SOX5: variants seen among roughly 807,000 people sequenced by gnomAD.
SOX5 encodes the protein transcription factor SOX-5.
SOX5 carries 9 observed loss-of-function variants against 92.0 expected under a neutral mutation model. The ratio of observed to expected loss-of-function variants is 0.10; its 90% confidence interval spans 0.06 to 0.17. The LOEUF (loss-of-function observed/expected upper bound fraction) is 0.17. Among genes scored for constraint, SOX5 ranks in the 10% least tolerant of loss-of-function variants. The pLI is 1.00. For missense variants in SOX5, 642 were observed against 944.5 expected, an observed-to-expected ratio of 0.68 and a Z score of 4.20; for synonymous variants, 344 against 336.3, an observed-to-expected ratio of 1.02 and a Z score of -0.25.
At chr12:24,453,845 G>GT (rs1233322744) in intron 1 of SOX5, among the ~76,000 whole-genome samples, 1 of 152,170 alleles carries the variant, frequency 6.6e-6, no homozygotes, top group Non-Finnish European at 1.5e-5. Context: ...GTGGCTTCAG[G>GT]TGTTGATACT....
chr12:24,504,638 T>C (rs537079454), intron 1 of SOX5, among the ~76,000 whole-genome samples: 1 of 152,334 alleles, frequency 6.6e-6, no homozygotes, highest in African/African-American at 2.4e-5. Flanking sequence ...AGTAGAGAAC[T>C]ATATAAATAA....
chr12:23,565,173 A>G (rs1333316699), intron 10 of SOX5, among the ~76,000 whole-genome samples: 1 of 152,236 alleles, frequency 6.6e-6, no homozygotes, highest in African/African-American at 2.4e-5. Context: ...TAAACCTAGA[A>G]CAGATCTTCA....
chr12:24,498,240 A>T (rs1304063847), intron 1 of SOX5, among the ~76,000 whole-genome samples: 2 of 152,180 alleles, frequency 1.3e-5, no homozygotes, highest in Admixed American at 6.5e-5. Context: ...CTCAGGACAG[A>T]TTAATAAGGT....
intron 6 of SOX5, among the ~76,000 whole-genome samples, chr12:23,673,047 C>T (rs2085051271): frequency 1.3e-5 from 2 of 152,034 alleles, no homozygotes; most frequent in Admixed American, 6.6e-5. Context: ...CAGGTATAAT[C>T]TCCATATTAA....
intron 2 of SOX5, among the ~76,000 whole-genome samples, chr12:23,872,576 T>TA (rs1395436045): frequency 3.9e-5 from 6 of 151,994 alleles, no homozygotes; most frequent in Non-Finnish European, 8.8e-5. Context: ...AGTAAAAATA[T>TA]AAAAAACTAG....
At chr12:23,628,038 C>CGAG (rs1292313149) in intron 8 of SOX5, among the ~76,000 whole-genome samples, 2 of 151,920 alleles carry the variant, frequency 1.3e-5, no homozygotes, top group Admixed American at 6.6e-5. Context: ...TGGAAGAAAA[C>CGAG]CAGCAGCAGC....
At chr12:24,561,338 T>C (rs1168720809) in intron 1 of SOX5, among the ~76,000 whole-genome samples, 1 of 152,186 alleles carries the variant, frequency 6.6e-6, no homozygotes, top group East Asian at 1.9e-4. Flanking sequence ...GAAACCAGCG[T>C]CTTCAGATAT....
At chr12:23,717,806 T>G (rs1444320957) in intron 6 of SOX5, among the ~76,000 whole-genome samples, 1 of 152,214 alleles carries the variant, frequency 6.6e-6, no homozygotes, top group Non-Finnish European at 1.5e-5. Flanking sequence ...TTTCTGCTTC[T>G]CCTTTAAGTT....
At chr12:24,008,211 T>G (rs1290524588) in intron 4 of SOX5, among the ~76,000 whole-genome samples, 1 of 152,090 alleles carries the variant, frequency 6.6e-6, no homozygotes, top group Non-Finnish European at 1.5e-5. Flanking sequence ...TTTTAAGGAT[T>G]TTCAGTGTAC....
intron 1 of SOX5, among the ~76,000 whole-genome samples, chr12:23,901,697 A>T (rs2097235367): frequency 6.6e-6 from 1 of 152,158 alleles, no homozygotes; most frequent in South Asian, 2.1e-4. Flanking sequence ...AATCTCTCCC[A>T]CTATGAGATC....
chr12:23,685,124 G>A (rs2087292968), intron 6 of SOX5, among the ~76,000 whole-genome samples: 1 of 152,096 alleles, frequency 6.6e-6, no homozygotes, highest in Admixed American at 6.6e-5. Flanking sequence ...AGTGAACTGA[G>A]TCAGTGAGTA....
intron 11 of SOX5, among the ~76,000 whole-genome samples, chr12:23,560,227 A>G (rs1945967432): frequency 6.6e-6 from 1 of 152,150 alleles, no homozygotes; most frequent in Admixed American, 6.6e-5. Flanking sequence ...ATTACTTTAG[A>G]CAGAAAAAAA....
At chr12:24,379,926 C>T (rs1441320687) in intron 1 of SOX5, among the ~76,000 whole-genome samples, 1 of 142,566 alleles carries the variant, frequency 7.0e-6, no homozygotes, top group Admixed American at 7.0e-5. Flanking sequence ...TTTTCAAATA[C>T]CACCACACTA....
chr12:23,976,390 T>TAAAAAA (rs1327142180), intron 4 of SOX5, among the ~76,000 whole-genome samples: 13 of 111,582 alleles, frequency 1.2e-4, no homozygotes, highest in African/African-American at 4.3e-4. Flanking sequence ...TGAACACTAT[T>TAAAAAA]AAAAAAACAA....
chr12:23,799,851 A>G lies in SOX5; in HGVS notation c.482-44127T>C, dbSNP rs2095630812. 2.6e-5 allele frequency among the ~76,000 whole-genome samples: 4 copies of G among 152,162 alleles called. No individual in the cohort carries two copies. The South Asian group carries it at 8.3e-4, about 32-fold the overall frequency. The stretch of plus-strand genomic sequence containing the variant: ...TGAAACAACTATATGAAATTTTAAC[A>G]ACTTATTTATTTTATCTGTGAAGAT... On this transcript the variant is annotated intron_variant, in intron 3 of 14. Transcript: ENST00000451604.
At chr12:23,870,453 G>A (rs183865262) in intron 2 of SOX5, among the ~76,000 whole-genome samples, 4 of 152,008 alleles carry the variant, frequency 2.6e-5, no homozygotes, top group African/African-American at 4.8e-5. Flanking sequence ...AAACCTAGAG[G>A]CCTTTCAAAT....
chr12:23,981,179 T>A (rs1949537886), intron 4 of SOX5, among the ~76,000 whole-genome samples: 1 of 152,078 alleles, frequency 6.6e-6, no homozygotes, highest in Non-Finnish European at 1.5e-5. Context: ...TTCCACAAGC[T>A]ACATACCTCC....
intron 10 of SOX5, among the ~76,000 whole-genome samples, chr12:23,568,423 C>G (rs569899343): frequency 6.6e-6 from 1 of 152,310 alleles, no homozygotes; most frequent in East Asian, 1.9e-4. Context: ...CACCCTTGGT[C>G]TTTACCATGT....
intron 4 of SOX5, among the ~76,000 whole-genome samples, chr12:24,068,704 G>GTGTGTGTGTGTGTGTATA (rs1444359956): frequency 1.3e-5 from 1 of 74,318 alleles, no homozygotes; most frequent in Non-Finnish European, 2.4e-5. Context: ...GTGTGTGTGT[G>GTGTGTGTGTGTGTGTATA]TATATATATA....
Sources: allele counts gnomAD v4.1 joint callset (sites outside exome capture counted in the v4.1 genomes callset), GRCh38; gene constraint gnomAD v4.1.1; transcripts MANE v1.5; gene names NCBI Gene and HGNC (gene_info 2026-07-23, HGNC 2026-07-21).